Variants in RNGTT observed in about 807,000 individuals in gnomAD.
The protein encoded by RNGTT is mRNA-capping enzyme.
Under a neutral mutation model 79.3 loss-of-function variants are expected in RNGTT, and 33 were observed. The ratio of observed to expected loss-of-function variants is 0.42; its 90% CI spans 0.32 to 0.56. RNGTT has a LOEUF of 0.56. RNGTT is among the 20% of genes least tolerant of loss of function. The probability of loss-of-function intolerance (pLI) is 0.17; values close to 1 mark genes in which losing one functional copy is unlikely to be tolerated. For missense variants in RNGTT, 497 were observed against 739.1 expected (o/e 0.67, Z 3.80); for synonymous variants, 222 against 235.9 (o/e 0.94, Z 0.54).
At chr6:88,618,050 T>C (rs1333217701) in intron 14 of RNGTT, among the ~76,000 whole-genome samples, 1 of 152,184 alleles carries the variant, frequency 6.6e-6, no homozygotes, top group Non-Finnish European at 1.5e-5. Context: ...ATATAGCTTA[T>C]CATTCTTGTG....
At chr6:88,674,773 TAAC>T (rs1774796461) in intron 14 of RNGTT, among the ~76,000 whole-genome samples, 1 of 151,346 alleles carries the variant, frequency 6.6e-6, no homozygotes, top group Non-Finnish European at 1.5e-5. Flanking sequence ...GAAAACTATG[TAAC>T]AACAACAAAA....
chr6:88,853,646 T>G lies in RNGTT; in HGVS notation c.1015A>C (p.Asn339His). 1 of 1,587,756 alleles carries G rather than the reference T, an allele frequency of 6.3e-7. No individual in the cohort carries two copies. Among genetic ancestry groups the G allele is most frequent in the Non-Finnish European group, 8.6e-7 (1 of 1,163,446 alleles). The change falls in exon 9 of 16, where the codon AAT becomes CAT. Residue 339 changes from asparagine to histidine, a missense_variant. Transcript: ENST00000369485. Reference protein sequence around the residue: ...FRKDLRMHLSNTLLDGEMIID... With the variant: ...FRKDLRMHLSHTLLDGEMIID... ...TGACTTACGCCATCCAAGAGAGTAT[T>G]TGATAAATGCATACGAAGATCTTTA...
chr6:88,949,161 A>AAT (rs1470444780), intron 1 of RNGTT, among the ~76,000 whole-genome samples: 1 of 79,854 alleles, frequency 1.3e-5, no homozygotes, highest in African/African-American at 5.5e-5. Context: ...AATAAAATGA[A>AAT]AAAAAAAAAA....
At chr6:88,672,628 C>T (rs961403784) in intron 14 of RNGTT, among the ~76,000 whole-genome samples, 4 of 152,072 alleles carry the variant, frequency 2.6e-5, no homozygotes, top group Non-Finnish European at 5.9e-5. Context: ...TGATGGGGTC[C>T]ACCAAAATTT....
chr6:88,631,689 G>A lies in RNGTT; in HGVS notation c.1507-17294C>T, dbSNP rs142372892. Among the ~76,000 whole-genome samples, 21 of 152,016 alleles carry A rather than the reference G, an allele frequency of 1.4e-4. 1 individual carries two copies. In the East Asian group the frequency reaches 3.9e-3, roughly 28 times the overall value. On this transcript the variant is annotated intron_variant, in intron 14 of 15. Coordinates refer to ENST00000369485, the MANE Select transcript of RNGTT (RefSeq NM_003800.5). Reference sequence around the variant, plus strand: ...CTATGATGCAGGTACCATCCCATGTGTTTTTATGCCCCTTATTTCATTCAG... The same window carrying A: ...CTATGATGCAGGTACCATCCCATGTATTTTTATGCCCCTTATTTCATTCAG...
intron 6 of RNGTT, among the ~76,000 whole-genome samples, chr6:88,903,697 T>C (rs1189301713): frequency 1.3e-5 from 2 of 152,218 alleles, no homozygotes; most frequent in Non-Finnish European, 2.9e-5. Context: ...AAGCATTTAC[T>C]TCCTTGCCTG....
intron 12 of RNGTT, among the ~76,000 whole-genome samples, chr6:88,774,677 C>T (rs1778813145): frequency 6.6e-6 from 1 of 151,964 alleles, no homozygotes; most frequent in African/African-American, 2.4e-5. Context: ...AACGGATGAA[C>T]CTCAAAAGCA....
intron 11 of RNGTT, among the ~76,000 whole-genome samples, chr6:88,809,831 T>C (rs181421832): frequency 6.6e-6 from 1 of 152,140 alleles, no homozygotes; most frequent in East Asian, 1.9e-4. Flanking sequence ...GGAGGATCAC[T>C]TAAGGCCAAG....
At chr6:88,839,050 T>A in intron 11 of RNGTT, among the ~76,000 whole-genome samples, 1 of 142,064 alleles carries the variant, frequency 7.0e-6, no homozygotes, top group African/African-American at 2.8e-5. Flanking sequence ...ACTGAATATC[T>A]ATATGCAAAA....
chr6:88,900,634 T>C (rs770942748), intron 6 of RNGTT, among the ~76,000 whole-genome samples: 18 of 151,432 alleles, frequency 1.2e-4, no homozygotes, highest in Non-Finnish European at 2.2e-4. Flanking sequence ...CTCAGGAGGC[T>C]GAGGCAGAAG....
chr6:88,792,424 A>G (rs1779453178), intron 12 of RNGTT, among the ~76,000 whole-genome samples: 1 of 152,234 alleles, frequency 6.6e-6, no homozygotes, highest in Admixed American at 6.5e-5. Context: ...GAAATTGATG[A>G]CAATGTATAA....
At chr6:88,795,536 G>A (rs1779568635) in intron 12 of RNGTT, among the ~76,000 whole-genome samples, 1 of 152,114 alleles carries the variant, frequency 6.6e-6, no homozygotes, top group South Asian at 2.1e-4. Context: ...ATGTTGTGGG[G>A]GGTTGGGGGC....
chr6:88,817,010 A>G (rs1780334649), intron 11 of RNGTT, among the ~76,000 whole-genome samples: 1 of 152,148 alleles, frequency 6.6e-6, no homozygotes. Context: ...AAGTCTGGCC[A>G]GTAATACAGT....
At chr6:88,672,214 T>C (rs920046861) in intron 14 of RNGTT, among the ~76,000 whole-genome samples, 1 of 137,260 alleles carries the variant, frequency 7.3e-6, no homozygotes, top group African/African-American at 2.5e-5. Context: ...TATATATATA[T>C]ATATACACAC....
At chr6:88,885,326 A>C (rs939320221) in intron 8 of RNGTT, among the ~76,000 whole-genome samples, 2 of 152,170 alleles carry the variant, frequency 1.3e-5, no homozygotes, top group Non-Finnish European at 2.9e-5. Flanking sequence ...ACAAGAAAGT[A>C]CTCAAAAAAT....
chr6:88,626,974 T>C (rs936090586), intron 14 of RNGTT, among the ~76,000 whole-genome samples: 3 of 152,052 alleles, frequency 2.0e-5, no homozygotes, highest in Admixed American at 6.6e-5. Flanking sequence ...AAGCAGATCA[T>C]GGATTCAATA....
At chr6:88,696,102 A>G (rs982746038) in intron 13 of RNGTT, among the ~76,000 whole-genome samples, 1 of 152,208 alleles carries the variant, frequency 6.6e-6, no homozygotes, top group Non-Finnish European at 1.5e-5. Flanking sequence ...ACTACAGTTA[A>G]TAACAGTGTA....
intron 11 of RNGTT, among the ~76,000 whole-genome samples, chr6:88,821,168 T>C (rs1488887442): frequency 6.6e-6 from 1 of 152,096 alleles, no homozygotes; most frequent in Non-Finnish European, 1.5e-5. Flanking sequence ...AGTCAAGTGA[T>C]CTTTGACAAA....
At chr6:88,633,877 G>T (rs908774213) in intron 14 of RNGTT, among the ~76,000 whole-genome samples, 2 of 152,106 alleles carry the variant, frequency 1.3e-5, no homozygotes, top group Non-Finnish European at 2.9e-5. Flanking sequence ...GAGGGGAGCG[G>T]AGGAACAGAG....
Sources: allele counts gnomAD v4.1 joint callset (sites outside exome capture counted in the v4.1 genomes callset), GRCh38; gene constraint gnomAD v4.1.1; transcripts MANE v1.5; gene names NCBI Gene and HGNC (gene_info 2026-07-23, HGNC 2026-07-21).